The following STOX2 variants were observed in gnomAD, a reference collection of about 807,000 sequenced individuals.
The protein encoded by STOX2 is storkhead-box protein 2.
STOX2 carries 28 observed loss-of-function variants against 60.9 expected under a neutral mutation model. The observed-to-expected ratio is 0.46, with a 90% confidence interval of 0.34 to 0.63. STOX2 has a LOEUF of 0.63. Among genes scored for constraint, STOX2 ranks in the 30% least tolerant of loss-of-function variants. STOX2 has a pLI of 0.01. For synonymous variants in STOX2, 472 were observed against 463.9 expected (o/e 1.02, Z -0.22); for missense variants, 1,024 against 1,187.7 (o/e 0.86, Z 2.03).
At position 184,011,745 on chromosome 4, in the gene STOX2, G is replaced by T; in HGVS notation, c.2585+322G>T. The T allele has an allele frequency of 1.4e-5, 10 of 730,038 alleles. No homozygotes were observed. Among genetic ancestry groups the T allele is most frequent in the South Asian group, 1.9e-5 (1 of 51,774 alleles). The allele number at this position is 730,038 out of a possible 1,614,324, so 45.2% of individuals were successfully genotyped here. ...TTGCCACCCATGCTAAGAGAAGGAT[G>T]TTTTTTAAGTCCTTCAAAAATAGTA... On this transcript the variant is annotated intron_variant, in intron 3 of 3. Transcript: ENST00000308497. This position sits in a 1 kb window ranked among gnomAD's most constrained non-coding sequence, Gnocchi z 4.4.
At position 183,995,158 on chromosome 4, in the gene STOX2, C is replaced by T. The variant is rs545757240; in HGVS notation, c.167-6167C>T. Among the ~76,000 whole-genome samples the T allele has an allele frequency of 3.9e-5, 6 of 152,184 alleles. No homozygotes were observed. In the South Asian group the frequency reaches 1.0e-3, roughly 26 times the overall value. On this transcript the variant is annotated intron_variant, in intron 1 of 3. Coordinates refer to ENST00000308497, the MANE Select transcript of STOX2 (RefSeq NM_020225.3). ...TCACCCAGGAAGGAGCAGGTGTAAGCTGTTGTGAAAGTCATATCCCAGGAG... is the reference window on the plus strand; with the variant it reads ...TCACCCAGGAAGGAGCAGGTGTAAGTTGTTGTGAAAGTCATATCCCAGGAG...
chr4:183,912,576 C>T (rs770441910), intron 1 of STOX2, among the ~76,000 whole-genome samples: 18 of 152,294 alleles, frequency 1.2e-4, no homozygotes, highest in Middle Eastern at 6.8e-3. Flanking sequence ...TCTCTTGCAT[C>T]GTCTCTCAGA....
chr4:183,802,691 C>T (rs554699068), intron 1 of STOX2, among the ~76,000 whole-genome samples: 11 of 151,910 alleles, frequency 7.2e-5, no homozygotes, highest in African/African-American at 2.4e-4. Context: ...TTGCAAGCTC[C>T]GCCTCCCGGG....
intron 1 of STOX2, among the ~76,000 whole-genome samples, chr4:183,943,545 T>C (rs1742805387): frequency 6.6e-6 from 1 of 152,178 alleles, no homozygotes; most frequent in Non-Finnish European, 1.5e-5. Context: ...TTAAATAAAA[T>C]ATAGAGAAAT....
At chr4:183,970,181 T>TGGGG (rs61235252) in intron 1 of STOX2, among the ~76,000 whole-genome samples, 32 of 136,484 alleles carry the variant, frequency 2.3e-4, no homozygotes, top group Middle Eastern at 3.6e-3. Context: ...TGTGTGTGTG[T>TGGGG]GGGGTTCCAG....
At chr4:183,961,395 G>A (rs1389979111) in intron 1 of STOX2, among the ~76,000 whole-genome samples, 2 of 149,854 alleles carry the variant, frequency 1.3e-5, no homozygotes, top group South Asian at 4.1e-4. Context: ...GCATAGAACG[G>A]TGGACTCTGC....
intron 1 of STOX2, among the ~76,000 whole-genome samples, chr4:183,964,064 C>T (rs1034563296): frequency 2.6e-5 from 4 of 152,270 alleles, no homozygotes; most frequent in South Asian, 2.1e-4. Context: ...CGTGAGCCAC[C>T]GCGCCCAGCT....
At chr4:183,798,722 A>G in intron 1 of STOX2, 1 of 985,434 alleles carries the variant, frequency 1.0e-6, no homozygotes, top group Non-Finnish European at 1.2e-6. Flanking sequence ...CTGATCCTCA[A>G]CAAAAGAGAG....
At chr4:183,894,442 G>A (rs1030779099) in intron 1 of STOX2, among the ~76,000 whole-genome samples, 7 of 152,018 alleles carry the variant, frequency 4.6e-5, no homozygotes, top group African/African-American at 1.2e-4. Context: ...TTCTATATTA[G>A]CATTAGAAAT....
chr4:183,868,617 C>G (rs1740624607), intron 1 of STOX2, among the ~76,000 whole-genome samples: 1 of 151,994 alleles, frequency 6.6e-6, no homozygotes, highest in African/African-American at 2.4e-5. Context: ...CTGATTAAGC[C>G]CGAGGAGGCA....
upstream of STOX2, among the ~76,000 whole-genome samples, chr4:183,904,112 T>C (rs1316477169): frequency 6.6e-6 from 1 of 152,160 alleles, no homozygotes; most frequent in Admixed American, 6.5e-5. Flanking sequence ...TGGTTCACAA[T>C]AGGGTTCGTG....
intron 1 of STOX2, among the ~76,000 whole-genome samples, chr4:183,880,443 T>G (rs898769774): frequency 6.6e-6 from 1 of 152,220 alleles, no homozygotes; most frequent in African/African-American, 2.4e-5. Flanking sequence ...GCCAGAAGTC[T>G]TTTCATGGAG....
At chr4:183,831,341 G>C (rs772965527) in intron 1 of STOX2, among the ~76,000 whole-genome samples, 2 of 152,148 alleles carry the variant, frequency 1.3e-5, no homozygotes, top group Non-Finnish European at 2.9e-5. Flanking sequence ...CCCCAAGTTT[G>C]CCTTGAACTT....
At chr4:183,829,180 TATC>T (rs1739510895) in intron 1 of STOX2, among the ~76,000 whole-genome samples, 2 of 152,256 alleles carry the variant, frequency 1.3e-5, no homozygotes, top group African/African-American at 2.4e-5. Flanking sequence ...TTTAAAAATC[TATC>T]ATCTTTTTCT....
chr4:183,826,113 G>T (rs1243453521), intron 1 of STOX2, among the ~76,000 whole-genome samples: 8 of 152,130 alleles, frequency 5.3e-5, no homozygotes, highest in Admixed American at 5.2e-4. Flanking sequence ...AGCAGACCAG[G>T]AGTGGGGCTG....
chr4:183,883,806 C>G (rs188247202), intron 1 of STOX2, among the ~76,000 whole-genome samples: 1 of 151,620 alleles, frequency 6.6e-6, no homozygotes, highest in Non-Finnish European at 1.5e-5. Context: ...GCTAGATAGT[C>G]GCTTAATTTT....
chr4:184,003,527 T>G (rs1478890941), intron 2 of STOX2, among the ~76,000 whole-genome samples: 1 of 152,228 alleles, frequency 6.6e-6, no homozygotes, highest in East Asian at 1.9e-4. Context: ...GATGACTCAT[T>G]GGTCAGCCTC....
At chr4:183,801,081 A>G (rs896775346) in intron 1 of STOX2, among the ~76,000 whole-genome samples, 1 of 152,226 alleles carries the variant, frequency 6.6e-6, no homozygotes, top group Non-Finnish European at 1.5e-5. Context: ...CCAAAAGTAT[A>G]TGGTTCTAAC....
At chr4:183,972,949 A>T (rs1052764046) in intron 1 of STOX2, among the ~76,000 whole-genome samples, 2 of 152,218 alleles carry the variant, frequency 1.3e-5, no homozygotes, top group Non-Finnish European at 2.9e-5. Flanking sequence ...TAATAATCAA[A>T]AATAAAAATT....
Sources: gnomAD v4.1 joint callset for allele counts (sites outside exome capture counted in the v4.1 genomes callset) on GRCh38, gnomAD v4.1.1 for gene constraint, Gnocchi (gnomAD v3.1) non-coding constraint, MANE v1.5 for transcripts, NCBI Gene and HGNC (gene_info 2026-07-23, HGNC 2026-07-21) for gene names.